SAMHD1: variants seen among roughly 807,000 people sequenced by gnomAD.
The protein encoded by SAMHD1 is deoxynucleoside triphosphate triphosphohydrolase SAMHD1.
A neutral mutation model predicts 79.6 loss-of-function variants in SAMHD1; 54 were observed. The ratio of observed to expected loss-of-function variants is 0.68; its 90% CI spans 0.55 to 0.85. The LOEUF is 0.85. Among genes scored for constraint, SAMHD1 ranks in the 40% least tolerant of loss-of-function variants. The probability of loss-of-function intolerance (pLI) is 0.00; values close to 1 mark genes in which losing one functional copy is unlikely to be tolerated. For synonymous variants in SAMHD1, 260 were observed against 264.1 expected, an observed-to-expected ratio of 0.98 and a Z score of 0.15; for missense variants, 663 against 782.7, an observed-to-expected ratio of 0.85 and a Z score of 1.82.
intron 11 of SAMHD1, among the ~76,000 whole-genome samples, chr20:36,907,473 T>C (rs1395768048): frequency 8.6e-5 from 13 of 151,898 alleles, no homozygotes. Context: ...AAAATTAATC[T>C]TCCTGCCTTA....
At chr20:36,914,450 A>G (rs2063463940) in intron 9 of SAMHD1, among the ~76,000 whole-genome samples, 1 of 151,636 alleles carries the variant, frequency 6.6e-6, no homozygotes, top group Non-Finnish European at 1.5e-5. Flanking sequence ...TCCCGGGTTC[A>G]AGTTATTTTT....
chr20:36,949,755 CAAAAAAAAAAAAAAAAAAAA>C (rs34682795), intron 1 of SAMHD1, among the ~76,000 whole-genome samples: 142 of 69,850 alleles, frequency 2.0e-3, no homozygotes, highest in African/African-American at 8.0e-3. Flanking sequence ...GACTCTGTCT[CAAAAAAAAAAAAAAAAAAAA>C]AAAAGAATCC....
At chr20:36,912,777 TAAAAGATGAGG>T in intron 9 of SAMHD1, among the ~76,000 whole-genome samples, 1 of 142,168 alleles carries the variant, frequency 7.0e-6, no homozygotes, top group African/African-American at 2.6e-5. Context: ...TTTTTTTTTT[TAAAAGATGAGG>T]TCTTGCTATG....
chr20:36,935,105 G>T lies in SAMHD1; in HGVS notation c.433C>A (p.Arg145=). 6.2e-7 allele frequency: 1 copy of T among 1,613,920 alleles called. No homozygotes were observed. Among genetic ancestry groups the T allele is most frequent in the East Asian group, 2.2e-5 (1 of 44,882 alleles). The change falls in exon 4 of 16, where the codon CGA becomes AGA. Residue 145 remains arginine, a synonymous_variant. Transcript: ENST00000646673. ...CCACCTCCCAGCTGTTTGATGTATC[G>T]AAGACGTTGAAATTGAGGTGTATCA... ...IIDTPQFQRL[R]YIKQLGGGYY...
intron 15 of SAMHD1, among the ~76,000 whole-genome samples, chr20:36,896,290 A>G (rs944923475): frequency 1.4e-4 from 21 of 151,888 alleles, no homozygotes; most frequent in Non-Finnish European, 2.8e-4. Flanking sequence ...GGATTTTTCT[A>G]TCTGTGGGGT....
At chr20:36,947,580 GTGTGTGTGTGTT>G (rs1460529105) in intron 1 of SAMHD1, among the ~76,000 whole-genome samples, 2 of 124,590 alleles carry the variant, frequency 1.6e-5, no homozygotes, top group Non-Finnish European at 3.6e-5. Context: ...GTGTGTGTGT[GTGTGTGTGTGTT>G]GTTGGGTTTT....
At chr20:36,930,701 A>C in intron 5 of SAMHD1, 59 bp downstream of exon 5, 1 of 1,150,978 alleles carries the variant, frequency 8.7e-7, no homozygotes, top group Non-Finnish European at 1.3e-6. Context: ...TTTAACGTCA[A>C]AGAGAGGTAA....
At chr20:36,941,002 T>C (rs779581451) in intron 3 of SAMHD1, 37 bp downstream of exon 3, 16 of 1,480,986 alleles carry the variant, frequency 1.1e-5, no homozygotes, top group Admixed American at 1.7e-5. Context: ...TATATCACTT[T>C]ATATTCAAAA....
chr20:36,946,582 T>G, intron 2 of SAMHD1, 156 bp downstream of exon 2: 1 of 618,548 alleles, frequency 1.6e-6, no homozygotes, highest in Non-Finnish European at 2.9e-6. Flanking sequence ...AAAAAACAAA[T>G]GAACAAACAA....
At chr20:36,925,955 C>T (rs1332408491) in intron 6 of SAMHD1, among the ~76,000 whole-genome samples, 1 of 152,152 alleles carries the variant, frequency 6.6e-6, no homozygotes, top group East Asian at 1.9e-4. Flanking sequence ...CCCAGCAATT[C>T]TAGCTCCTCG....
intron 15 of SAMHD1, among the ~76,000 whole-genome samples, chr20:36,896,653 A>G (rs1332830750): frequency 6.6e-6 from 1 of 151,804 alleles, no homozygotes; most frequent in Non-Finnish European, 1.5e-5. Flanking sequence ...TGGCCAACAT[A>G]ATGAAACCCC....
chr20:36,893,231 G>T, intron 15 of SAMHD1, 165 bp from the exon 16 acceptor site: 1 of 797,128 alleles, frequency 1.3e-6, no homozygotes, highest in South Asian at 1.6e-5. Flanking sequence ...TGTGCTTGGG[G>T]CAAATTAGAA....
chr20:36,932,216 GCTTGGAAGGCTGTAATCCCAGCTA>G (rs1798505207), intron 4 of SAMHD1, among the ~76,000 whole-genome samples: 2 of 151,478 alleles, frequency 1.3e-5, no homozygotes, highest in Non-Finnish European at 1.5e-5. Context: ...TTGGAAGGCT[GCTTGGAAGGCTGTAATCCCAGCTA>G]CTTGGAAGGC....
intron 11 of SAMHD1, among the ~76,000 whole-genome samples, chr20:36,910,965 G>A (rs1272221699): frequency 1.3e-5 from 2 of 151,994 alleles, no homozygotes; most frequent in African/African-American, 4.8e-5. Flanking sequence ...AGCTAAAATC[G>A]TTCCATCGGC....
Position 36,927,255 on chromosome 20 carries a change from TAAAAACAAAAGCAGCCTTAG to T in SAMHD1, c.626-23_626-4del. The stretch of plus-strand genomic sequence containing the variant: ...CATGTGAGAAAATGGCCCATGACCT[TAAAAACAAAAGCAGCCTTAG>T]AACAAGAAAAACATCTGTAAACCAA... On this transcript the variant is annotated splice_region_variant and splice_polypyrimidine_tract_variant and intron_variant, in intron 5 of 15. Coordinates refer to ENST00000646673, the MANE Select transcript of SAMHD1 (RefSeq NM_015474.4). 6.2e-7 allele frequency: 1 copy of T among 1,610,828 alleles called. No individual in the cohort carries two copies. Among genetic ancestry groups the T allele is most frequent in the African/African-American group, 1.3e-5 (1 of 74,614 alleles).
intron 2 of SAMHD1, 125 bp downstream of exon 2, chr20:36,946,613 T>G (rs1474511213): frequency 9.9e-6 from 7 of 708,006 alleles, no homozygotes; most frequent in Non-Finnish European, 1.7e-5. Flanking sequence ...CAAGGGATTC[T>G]GCTGTTTTAA....
At chr20:36,931,320 A>G (rs1016587486) in intron 4 of SAMHD1, among the ~76,000 whole-genome samples, 2 of 152,184 alleles carry the variant, frequency 1.3e-5, no homozygotes, top group African/African-American at 4.8e-5. Context: ...CTGGGTATAC[A>G]CCCACAATAA....
At position 36,904,257 on chromosome 20, in the gene SAMHD1, A is replaced by G; in HGVS notation, c.1411-8T>C. On this transcript the variant is annotated splice_region_variant and splice_polypyrimidine_tract_variant and intron_variant, in intron 12 of 15. Transcript: ENST00000646673. ...AAGAGATTCATAGTCCTCCTGGAAA[A>G]CACAAGACTCCCCATGTTAGAATCC... 1 of 1,579,944 alleles carries G rather than the reference A, an allele frequency of 6.3e-7. No individual in the cohort carries two copies. The highest frequency in any genetic ancestry group is 8.7e-7 in the Non-Finnish European group (1 of 1,149,032).
intron 1 of SAMHD1, 141 bp downstream of exon 1, chr20:36,951,295 G>T: frequency 8.4e-7 from 1 of 1,195,178 alleles, no homozygotes; most frequent in Non-Finnish European, 1.2e-6. Flanking sequence ...CGCCCCCAGC[G>T]CAGGTCCGCC....
Sources: gnomAD v4.1 joint callset for allele counts (sites outside exome capture counted in the v4.1 genomes callset) on GRCh38, gnomAD v4.1.1 for gene constraint, MANE v1.5 for transcripts, NCBI Gene and HGNC (gene_info 2026-07-23, HGNC 2026-07-21) for gene names.